The following STK3 variants were observed in gnomAD, a reference collection of about 807,000 sequenced individuals.
STK3 encodes the protein serine/threonine kinase 3, also known as serine/threonine-protein kinase 3.
Under a neutral mutation model 58.0 loss-of-function variants are expected in STK3, and 41 were observed. The observed-to-expected ratio is 0.71, with a 90% CI of 0.55 to 0.92. The LOEUF (loss-of-function observed/expected upper bound fraction) is 0.92. Among genes scored for constraint, STK3 ranks in the 40% least tolerant of loss-of-function variants. STK3 has a pLI of 0.00. For missense variants in STK3, 479 were observed against 602.7 expected (o/e 0.79, Z 2.15); for synonymous variants, 170 against 191.0 (o/e 0.89, Z 0.91).
At chr8:98,783,689 A>G (rs541403438) in intron 1 of STK3, among the ~76,000 whole-genome samples, 1 of 152,340 alleles carries the variant, frequency 6.6e-6, no homozygotes, top group East Asian at 1.9e-4. Flanking sequence ...CATCTTACTC[A>G]CAAGTAGAAC....
intron 1 of STK3, among the ~76,000 whole-genome samples, chr8:98,921,978 G>A (rs1455374792): frequency 6.6e-6 from 1 of 152,148 alleles, no homozygotes; most frequent in Non-Finnish European, 1.5e-5. Flanking sequence ...ACAAGCATAA[G>A]CCACCACGCC....
intron 10 of STK3, among the ~76,000 whole-genome samples, chr8:98,482,033 C>G (rs1051753086): frequency 3.3e-5 from 5 of 152,180 alleles, no homozygotes; most frequent in Non-Finnish European, 5.9e-5. Flanking sequence ...TGAAGGAATT[C>G]AAATTCAAGG....
chr8:98,565,671 C>T (rs576549949), intron 8 of STK3, among the ~76,000 whole-genome samples: 1 of 152,142 alleles, frequency 6.6e-6, no homozygotes, highest in South Asian at 2.1e-4. Context: ...ACAACACTAC[C>T]GTAGAATGCT....
At chr8:98,764,442 A>C (rs2131428122) in intron 3 of STK3, among the ~76,000 whole-genome samples, 1 of 152,338 alleles carries the variant, frequency 6.6e-6, no homozygotes, top group East Asian at 1.9e-4. Context: ...TAAGGAATGA[A>C]GAGAAGAATA....
rs551798369 is a variant in STK3, at chr8:98,562,040, A to G, written c.949-13879T>C. On this transcript the variant is annotated intron_variant, in intron 8 of 10. Coordinates refer to ENST00000419617, the MANE Select transcript of STK3 (RefSeq NM_006281.4). ...CCATACAAACTACTGGTGCGCAGCA[A>G]CAGAAACTCTCATTCCTTGGTTAGT... 1.5e-4 allele frequency among the ~76,000 whole-genome samples: 23 copies of G among 152,332 alleles called. No individual in the cohort carries two copies. In the South Asian group the frequency reaches 4.8e-3, roughly 32 times the overall value.
chr8:98,569,072 G>A (rs1034973353), intron 8 of STK3, among the ~76,000 whole-genome samples: 1 of 152,184 alleles, frequency 6.6e-6, no homozygotes, highest in Non-Finnish European at 1.5e-5. Flanking sequence ...CAAAGAATCA[G>A]GTATCTGAAT....
At chr8:98,431,743 G>A (rs1453192095) in intron 3 of STK3, 3 of 167,086 alleles carry the variant, frequency 1.8e-5, no homozygotes, top group African/African-American at 4.8e-5. Context: ...TGTGAAAGCT[G>A]GAAAACTTGA....
At chr8:98,916,452 C>T (rs1280625035) in intron 1 of STK3, among the ~76,000 whole-genome samples, 1 of 152,122 alleles carries the variant, frequency 6.6e-6, no homozygotes, top group African/African-American at 2.4e-5. Flanking sequence ...CAAAAAACCA[C>T]TTCAGCTTCT....
chr8:98,526,595 T>G (rs1290708943), intron 10 of STK3, 147 bp downstream of exon 10: 1 of 590,012 alleles, frequency 1.7e-6, no homozygotes, highest in Non-Finnish European at 2.5e-6. Flanking sequence ...TCTCTAACCA[T>G]GTATATGGCT....
intron 6 of STK3, among the ~76,000 whole-genome samples, chr8:98,661,318 T>C (rs1373776163): frequency 6.6e-6 from 1 of 152,112 alleles, no homozygotes; most frequent in Non-Finnish European, 1.5e-5. Flanking sequence ...CATAGGCATA[T>C]AGTACTCTTA....
At chr8:98,500,223 A>T (rs1823465306) in intron 10 of STK3, among the ~76,000 whole-genome samples, 1 of 152,136 alleles carries the variant, frequency 6.6e-6, no homozygotes, top group Non-Finnish European at 1.5e-5. Flanking sequence ...AAGATGCTAT[A>T]TCACTGGCTT....
intron 3 of STK3, among the ~76,000 whole-genome samples, chr8:98,849,048 A>C (rs1836328448): frequency 6.6e-6 from 1 of 152,006 alleles, no homozygotes; most frequent in South Asian, 2.1e-4. Context: ...AACACGGTGA[A>C]ACCCCGTCTC....
At chr8:98,530,012 G>C (rs1563707256) in intron 9 of STK3, among the ~76,000 whole-genome samples, 1 of 152,066 alleles carries the variant, frequency 6.6e-6, no homozygotes, top group African/African-American at 2.4e-5. Flanking sequence ...CTAGATACAG[G>C]CATATTTCGC....
intron 1 of STK3, among the ~76,000 whole-genome samples, chr8:98,936,200 G>A (rs766872728): frequency 7.9e-5 from 12 of 152,122 alleles, no homozygotes; most frequent in Admixed American, 3.9e-4. Flanking sequence ...TTACAGGCGT[G>A]AGCCACCATG....
intron 10 of STK3, among the ~76,000 whole-genome samples, chr8:98,507,335 T>C (rs997258686): frequency 6.6e-6 from 1 of 152,214 alleles, no homozygotes; most frequent in Non-Finnish European, 1.5e-5. Flanking sequence ...AACACCATCC[T>C]GGCTGTTCAA....
chr8:98,788,058 A>G (rs1469469871), intron 1 of STK3, among the ~76,000 whole-genome samples: 1 of 152,248 alleles, frequency 6.6e-6, no homozygotes, highest in African/African-American at 2.4e-5. Context: ...AAACCAAGGT[A>G]TACAGGCAAC....
the STK3 span, among the ~76,000 whole-genome samples, chr8:98,352,938 T>C: frequency 6.6e-6 from 1 of 152,218 alleles, no homozygotes; most frequent in Non-Finnish European, 1.5e-5. Context: ...ACTGTGTCAA[T>C]GATATACTTT....
At position 98,526,761 on chromosome 8, in the gene STK3, T is replaced by C. The variant is rs554676158; in HGVS notation, c.1298A>G (p.Gln433Arg). 1.8e-5 allele frequency: 28 copies of C among 1,572,394 alleles called. No homozygotes were observed. In the South Asian group the frequency reaches 3.1e-4, roughly 17 times the overall value. Residue 433 changes from glutamine to arginine, a missense_variant, in exon 10 of 11, where the codon CAA becomes CGA. Transcript: ENST00000419617. ...ACTTACAAAGTCAAAGTCTCCATCTTGAGGAACTTTCCAGTTATCAGGAAA... is the reference window on the plus strand; with the variant it reads ...ACTTACAAAGTCAAAGTCTCCATCTCGAGGAACTTTCCAGTTATCAGGAAA... ...NVFPDNWKVP[Q>R]DGDFDFLKNL...
chr8:98,799,404 G>A (rs1807235729), intron 1 of STK3, among the ~76,000 whole-genome samples: 1 of 151,962 alleles, frequency 6.6e-6, no homozygotes, highest in Non-Finnish European at 1.5e-5. Context: ...GGAAGAGACA[G>A]AGAGAAAAAG....
Sources: allele counts gnomAD v4.1 joint callset (sites outside exome capture counted in the v4.1 genomes callset), GRCh38; gene constraint gnomAD v4.1.1; transcripts MANE v1.5; gene names NCBI Gene and HGNC (gene_info 2026-07-23, HGNC 2026-07-21).